PHF21A: variants seen among roughly 807,000 people sequenced by gnomAD.
PHF21A encodes BHC80a.
Under a neutral mutation model 82.5 loss-of-function variants are expected in PHF21A, and 11 were observed. The observed-to-expected ratio is 0.13, with a 90% CI of 0.08 to 0.22. The LOEUF (loss-of-function observed/expected upper bound fraction) is 0.22. PHF21A is among the 10% of genes least tolerant of loss of function. The pLI is 1.00. For missense variants in PHF21A, 579 were observed against 837.8 expected, an observed-to-expected ratio of 0.69 and a Z score of 3.81; for synonymous variants, 297 against 302.8, an observed-to-expected ratio of 0.98 and a Z score of 0.20.
intron 9 of PHF21A, among the ~76,000 whole-genome samples, chr11:45,967,367 TA>T (rs66525187): frequency 0.85 from 123,983 of 145,244 alleles, 53,001 homozygotes; most frequent in East Asian, 0.97. Context: ...GACCCTGTCT[TA>T]AAAAAAAAAA....
intron 7 of PHF21A, among the ~76,000 whole-genome samples, chr11:45,975,918 A>T (rs1161015267): frequency 6.6e-6 from 1 of 152,060 alleles, no homozygotes; most frequent in Non-Finnish European, 1.5e-5. Context: ...GAAGTTGTGT[A>T]TTTAATATAT....
At chr11:46,106,601 G>C (rs1310957595) in intron 1 of PHF21A, among the ~76,000 whole-genome samples, 1 of 152,214 alleles carries the variant, frequency 6.6e-6, no homozygotes, top group Non-Finnish European at 1.5e-5. Context: ...TCCATCCACT[G>C]ATAATTGCTT....
rs1295143596 is a variant in PHF21A at position 46,089,283 on chromosome 11, A to G, written c.-84+1172T>C. Among the ~76,000 whole-genome samples, 2 of 152,168 alleles carry G rather than the reference A, an allele frequency of 1.3e-5. 1 individual carries two copies. Among genetic ancestry groups the G allele is most frequent in the South Asian group, 4.1e-4 (2 of 4,830 alleles). Reference sequence around the variant, plus strand: ...CAATTTGTACAAAATACTTCCTACTATGTATCTAATATGTAGGTAGATAAA... The same window carrying G: ...CAATTTGTACAAAATACTTCCTACTGTGTATCTAATATGTAGGTAGATAAA... On this transcript the variant is annotated intron_variant, in intron 3 of 18. Transcript: ENST00000676320.
chr11:46,097,271 C>T, intron 1 of PHF21A, among the ~76,000 whole-genome samples: 1 of 152,182 alleles, frequency 6.6e-6, no homozygotes, highest in East Asian at 1.9e-4. Flanking sequence ...GGCTTCCCAT[C>T]ATACTCCGAG....
rs2134857705 is a variant in PHF21A at position 45,931,108 on chromosome 11, G to A, written c.*2860C>T. The A allele has an allele frequency of 6.6e-6, 1 of 152,462 alleles. No individual in the cohort carries two copies. Among genetic ancestry groups the A allele is most frequent in the Non-Finnish European group, 1.5e-5 (1 of 68,130 alleles). The allele number at this position is 152,462 out of a possible 1,614,324, so 9.4% of individuals were successfully genotyped here. A position where few individuals can be genotyped will look rare whatever the true frequency, so the allele number is the denominator to read the frequency against. On this transcript the variant is annotated 3_prime_UTR_variant, in exon 19 of 19. Transcript: ENST00000676320. ...AATGTCAGGAAGAATCCACAGCCCAGCTGCAGGCGAGGTCAGAATGTACCC... is the reference window on the plus strand; with the variant it reads ...AATGTCAGGAAGAATCCACAGCCCAACTGCAGGCGAGGTCAGAATGTACCC...
At chr11:46,036,988 G>A (rs1027918936) in intron 6 of PHF21A, among the ~76,000 whole-genome samples, 1 of 152,054 alleles carries the variant, frequency 6.6e-6, no homozygotes, top group African/African-American at 2.4e-5. Context: ...TGGGATTATA[G>A]GCAAAAGCCA....
At chr11:46,029,683 A>AC (rs1295475359) in intron 6 of PHF21A, among the ~76,000 whole-genome samples, 3 of 152,136 alleles carry the variant, frequency 2.0e-5, no homozygotes, top group Non-Finnish European at 4.4e-5. Context: ...AAAAAAAAAA[A>AC]AAACTGTCTT....
At chr11:45,934,980 G>T in intron 18 of PHF21A, 2 of 543,334 alleles carry the variant, frequency 3.7e-6, no homozygotes, top group Non-Finnish European at 6.4e-6. Flanking sequence ...ATCCATGAGG[G>T]CTGAGGTCAC....
intron 1 of PHF21A, among the ~76,000 whole-genome samples, chr11:46,119,147 GATTCTA>G (rs897155087): frequency 2.0e-5 from 3 of 151,300 alleles, no homozygotes; most frequent in African/African-American, 4.9e-5. Flanking sequence ...AAATTAATCT[GATTCTA>G]ATATTCAACT....
At chr11:46,025,608 A>C (rs1301326936) in intron 6 of PHF21A, among the ~76,000 whole-genome samples, 1 of 152,242 alleles carries the variant, frequency 6.6e-6, no homozygotes, top group Non-Finnish European at 1.5e-5. Context: ...TCTCATTTAA[A>C]AAATTTTCAC....
intron 1 of PHF21A, among the ~76,000 whole-genome samples, chr11:46,117,598 C>T (rs1044960882): frequency 6.6e-6 from 1 of 152,160 alleles, no homozygotes; most frequent in African/African-American, 2.4e-5. Flanking sequence ...TTTCAACACA[C>T]TATACCCCTT....
rs2088028311 is a variant in PHF21A at position 45,933,751 on chromosome 11, C to T, written c.*217G>A. The T allele has an allele frequency of 4.7e-6, 2 of 425,840 alleles. No individual in the cohort carries two copies. Among genetic ancestry groups the T allele is most frequent in the Non-Finnish European group, 8.2e-6 (2 of 243,794 alleles). The allele number at this position is 425,840 out of a possible 1,614,324, so 26.4% of individuals were successfully genotyped here. ...AAAGAACCTCCAGCTGGCACTATTT[C>T]ATGTAACATGGTCCAATCTTTGCAT... is the stretch of plus-strand genomic sequence containing the variant. On this transcript the variant is annotated 3_prime_UTR_variant, in exon 19 of 19. Transcript: ENST00000676320.
intron 10 of PHF21A, among the ~76,000 whole-genome samples, chr11:45,959,574 C>T (rs1348647102): frequency 2.0e-5 from 3 of 152,030 alleles, no homozygotes; most frequent in Admixed American, 2.0e-4. Flanking sequence ...AGAAAAGGCA[C>T]CCAAATTGGA....
At chr11:46,065,915 T>A (rs1476085791) in intron 6 of PHF21A, among the ~76,000 whole-genome samples, 1 of 152,212 alleles carries the variant, frequency 6.6e-6, no homozygotes, top group Non-Finnish European at 1.5e-5. Flanking sequence ...AGCTACTGGC[T>A]CACAGAAGAG....
chr11:46,034,977 C>A (rs756187278), intron 6 of PHF21A, among the ~76,000 whole-genome samples: 1 of 152,112 alleles, frequency 6.6e-6, no homozygotes, highest in Admixed American at 6.5e-5. Flanking sequence ...GTTAGCCTAC[C>A]GTAGTTAAAA....
intron 6 of PHF21A, among the ~76,000 whole-genome samples, chr11:46,016,276 T>C (rs2095516133): frequency 6.6e-6 from 1 of 152,208 alleles, no homozygotes; most frequent in Non-Finnish European, 1.5e-5. Context: ...AAAAGGGATA[T>C]CACCATGTCA....
chr11:45,995,653 A>T (rs1015000276), intron 6 of PHF21A, among the ~76,000 whole-genome samples: 1 of 152,226 alleles, frequency 6.6e-6, no homozygotes, highest in Non-Finnish European at 1.5e-5. Flanking sequence ...GCTGCATTTG[A>T]TAAGGCTCTA....
In PHF21A at chr11:45,945,865, G is replaced by C. The variant is rs2091211024; in HGVS notation, c.1427C>G (p.Ser476Cys). 1 of 1,597,544 alleles carries C rather than the reference G, an allele frequency of 6.3e-7. No homozygotes were observed. Among genetic ancestry groups the C allele is most frequent in the Non-Finnish European group, 8.5e-7 (1 of 1,172,144 alleles). Residue 476 changes from serine to cysteine, a missense_variant, in exon 15 of 19, where the codon TCC (serine) becomes TGC (cysteine). Ser to Cys is a moderately radical substitution (Grantham distance 112, BLOSUM62 -1). This residue lies in a region of PHF21A where 410 missense variants were observed against 642.1 expected (regional missense o/e 0.64). Coordinates refer to ENST00000676320, the MANE Select transcript of PHF21A (RefSeq NM_001352027.3). ...GTCTGTGGAGGTGGGGCTGGGCAGGGACACAGGCTGAACAGGTGCAGGGAA... is the reference window on the plus strand; with the variant it reads ...GTCTGTGGAGGTGGGGCTGGGCAGGCACACAGGCTGAACAGGTGCAGGGAA... ...FTFPAPVQPV[S>C]LPSPTSTDGD...
intron 8 of PHF21A, 26 bp downstream of exon 8, chr11:45,971,090 C>A (rs371059162): frequency 2.0e-5 from 32 of 1,612,814 alleles, no homozygotes; most frequent in Non-Finnish European, 2.5e-5. Context: ...CATGTGATCA[C>A]ACATGAGGAG....
Sources: allele counts gnomAD v4.1 joint callset (sites outside exome capture counted in the v4.1 genomes callset), GRCh38; gene constraint gnomAD v4.1.1; regional missense constraint gnomAD v4.1.1; transcripts MANE v1.5; gene names NCBI Gene and HGNC (gene_info 2026-07-23, HGNC 2026-07-21).